The following SORT1 variants were observed in gnomAD, a reference collection of about 807,000 sequenced individuals.
SORT1 encodes sortilin 1.
Under a neutral mutation model 101.7 loss-of-function variants are expected in SORT1, and 39 were observed. The ratio of observed to expected loss-of-function variants is 0.38; its 90% confidence interval spans 0.30 to 0.50. SORT1 has a LOEUF of 0.50. SORT1 is among the 20% of genes least tolerant of loss of function. The pLI is 0.90. For missense variants in SORT1, 878 were observed against 1,040.4 expected (o/e 0.84, Z 2.15); for synonymous variants, 396 against 393.7 (o/e 1.01, Z -0.07).
chr1:109,378,737 TATATATATATATATATATATATATAA>T (rs1652028604), intron 1 of SORT1, among the ~76,000 whole-genome samples: 1 of 93,598 alleles, frequency 1.1e-5, no homozygotes. Context: ...TATATATATA[TATATATATATATATATATATATATAA>T]AGATGTTATG....
intron 3 of SORT1, among the ~76,000 whole-genome samples, chr1:109,363,418 C>T (rs1269351034): frequency 3.3e-5 from 5 of 151,982 alleles, no homozygotes; most frequent in Admixed American, 2.6e-4. Flanking sequence ...AATATGATTC[C>T]CTTAAATGGA....
At chr1:109,339,871 G>A (rs1192243462) in intron 10 of SORT1, among the ~76,000 whole-genome samples, 2 of 152,204 alleles carry the variant, frequency 1.3e-5, no homozygotes, top group Non-Finnish European at 2.9e-5. Context: ...AAAACAGGCT[G>A]GGCATGGTGG....
chr1:109,341,940 G>T, intron 9 of SORT1, 74 bp downstream of exon 9: 7 of 1,407,692 alleles, frequency 5.0e-6, no homozygotes, highest in South Asian at 3.5e-5. Flanking sequence ...AGGAAAACTC[G>T]ACATGTAAAA....
Position 109,313,722 on chromosome 1 carries a change from T to C in SORT1, c.*321A>G. 1 of 378,664 alleles carries C rather than the reference T, an allele frequency of 2.6e-6. No individual in the cohort carries two copies. Among genetic ancestry groups the C allele is most frequent in the Non-Finnish European group, 4.8e-6 (1 of 208,348 alleles). 23.5% of individuals were successfully genotyped at this position (378,664 alleles called of 1,614,324 possible). A position where few individuals can be genotyped will look rare whatever the true frequency, so the allele number is the denominator to read the frequency against. On this transcript the variant is annotated 3_prime_UTR_variant, in exon 20 of 20. Coordinates refer to ENST00000256637, the MANE Select transcript of SORT1 (RefSeq NM_002959.7). ...CACAGAAGTGGGGTTAGTGAAAAGGTCCCTTCGAATTCCATTTCGTTTCCC... is the reference window on the plus strand; with the variant it reads ...CACAGAAGTGGGGTTAGTGAAAAGGCCCCTTCGAATTCCATTTCGTTTCCC...
chr1:109,357,737 A>G (rs926461591), intron 3 of SORT1, among the ~76,000 whole-genome samples: 1 of 152,202 alleles, frequency 6.6e-6, no homozygotes, highest in Non-Finnish European at 1.5e-5. Flanking sequence ...CATATGTCTA[A>G]GTTGTCTGAA....
intron 1 of SORT1, among the ~76,000 whole-genome samples, chr1:109,376,509 A>C (rs1651867595): frequency 7.1e-6 from 1 of 141,154 alleles, no homozygotes. Flanking sequence ...GCCCATCAGC[A>C]GTGGATTGGA....
Position 109,310,502 on chromosome 1 carries a change from A to C in SORT1, c.*3541T>G, listed in dbSNP as rs1003240786. On this transcript the variant is annotated 3_prime_UTR_variant, in exon 20 of 20. Transcript: ENST00000256637. ...ACTTCATCACACAGCAAATCTTAAA[A>C]CTTTGGTTTTTTCAAAGAACATTTA... 2 of 155,222 alleles carry C rather than the reference A, an allele frequency of 1.3e-5. No homozygotes were observed. Among genetic ancestry groups the C allele is most frequent in the Non-Finnish European group, 2.9e-5 (2 of 68,052 alleles). 9.6% of individuals were successfully genotyped at this position (155,222 alleles called of 1,614,324 possible). A position where few individuals can be genotyped will look rare whatever the true frequency, so the allele number is the denominator to read the frequency against.
At chr1:109,365,802 C>T (rs561462968) in intron 3 of SORT1, among the ~76,000 whole-genome samples, 65 of 152,268 alleles carry the variant, frequency 4.3e-4, no homozygotes, top group African/African-American at 1.5e-3. Flanking sequence ...AAGGTATTTG[C>T]TGCCTCTCTG....
At chr1:109,337,681 G>A (rs898892012) in intron 10 of SORT1, among the ~76,000 whole-genome samples, 2 of 152,018 alleles carry the variant, frequency 1.3e-5, no homozygotes, top group South Asian at 2.1e-4. Context: ...AGGCTGGAGC[G>A]CAGTGGCACC....
chr1:109,317,690 C>T (rs1647322112), intron 16 of SORT1, among the ~76,000 whole-genome samples, 163 bp downstream of exon 16: 1 of 152,302 alleles, frequency 6.6e-6, no homozygotes, highest in East Asian at 1.9e-4. Context: ...GGCTCACCTC[C>T]TGTAGTTGAC....
Position 109,381,033 on chromosome 1 carries a change from C to T in SORT1, c.307-11444G>A, listed in dbSNP as rs905512504. Among the ~76,000 whole-genome samples, 3 of 152,036 alleles carry T rather than the reference C, an allele frequency of 2.0e-5. No individual in the cohort carries two copies. In the South Asian group the frequency reaches 6.3e-4, roughly 32 times the overall value. ...ATGTATCCAGTGAGGGCATAGGGAC[C>T]AGAGCACCTTCTTCTACGGTGGGTG... On this transcript the variant is annotated intron_variant, in intron 1 of 19. Transcript: ENST00000256637.
intron 5 of SORT1, among the ~76,000 whole-genome samples, chr1:109,351,450 G>C (rs112041083): frequency 4.3e-4 from 65 of 152,380 alleles, no homozygotes; most frequent in African/African-American, 1.4e-3. Flanking sequence ...ATGATGAGCA[G>C]TGGGACCAAA....
At chr1:109,373,382 G>GGCCT (rs1417469892) in intron 1 of SORT1, among the ~76,000 whole-genome samples, 1 of 152,112 alleles carries the variant, frequency 6.6e-6, no homozygotes, top group East Asian at 1.9e-4. Context: ...CTGAGCAGGG[G>GGCCT]GCCTCCCCAG....
chr1:109,358,513 C>T (rs1473867518), intron 3 of SORT1, among the ~76,000 whole-genome samples: 5 of 152,140 alleles, frequency 3.3e-5, no homozygotes, highest in Non-Finnish European at 5.9e-5. Context: ...GAACAGCCGT[C>T]GAATGATAAG....
intron 1 of SORT1, among the ~76,000 whole-genome samples, chr1:109,379,954 T>G (rs1439845405): frequency 6.6e-6 from 1 of 152,124 alleles, no homozygotes; most frequent in African/African-American, 2.4e-5. Context: ...AGGGCGAAGA[T>G]TTAAATGTAA....
intron 6 of SORT1, among the ~76,000 whole-genome samples, chr1:109,348,930 C>G (rs1649786392): frequency 6.6e-6 from 1 of 152,060 alleles, no homozygotes; most frequent in South Asian, 2.1e-4. Context: ...GATCGTGCCA[C>G]TACATCCCAG....
At chr1:109,314,635 G>A in intron 18 of SORT1, 37 bp downstream of exon 18, 1 of 1,418,060 alleles carries the variant, frequency 7.1e-7, no homozygotes, top group South Asian at 1.2e-5. Flanking sequence ...CTTCTGGCTT[G>A]AACTCAGTAC....
chr1:109,335,514 A>AC (rs1648751520), intron 11 of SORT1, among the ~76,000 whole-genome samples: 1 of 151,756 alleles, frequency 6.6e-6, no homozygotes, highest in Non-Finnish European at 1.5e-5. Context: ...AAAACAGAAA[A>AC]CCCCACCTAG....
intron 1 of SORT1, among the ~76,000 whole-genome samples, chr1:109,393,550 C>A (rs1206948269): frequency 6.6e-6 from 1 of 152,154 alleles, no homozygotes; most frequent in African/African-American, 2.4e-5. Flanking sequence ...ACAATAAAGT[C>A]TTCTAGGCCT....
Sources: allele counts gnomAD v4.1 joint callset (sites outside exome capture counted in the v4.1 genomes callset), GRCh38; gene constraint gnomAD v4.1.1; transcripts MANE v1.5; gene names NCBI Gene and HGNC (gene_info 2026-07-23, HGNC 2026-07-21).